ZFYVE27: variants seen among roughly 807,000 people sequenced by gnomAD.
ZFYVE27 encodes the protein zinc finger FYVE-type containing 27.
In ZFYVE27, 36 loss-of-function variants were observed where a neutral mutation model predicts 52.8. The ratio of observed to expected loss-of-function variants is 0.68; its 90% CI spans 0.52 to 0.90. The LOEUF is 0.90. Among genes scored for constraint, ZFYVE27 ranks in the 40% least tolerant of loss-of-function variants. The pLI, the probability that ZFYVE27 is intolerant of heterozygous loss-of-function variation, is 0.00. For synonymous variants in ZFYVE27, 223 were observed against 215.6 expected, an observed-to-expected ratio of 1.03 and a Z score of -0.30; for missense variants, 450 against 527.2, an observed-to-expected ratio of 0.85 and a Z score of 1.43.
At chr10:97,742,546 GT>G (rs1228223223) in intron 2 of ZFYVE27, among the ~76,000 whole-genome samples, 1 of 152,002 alleles carries the variant, frequency 6.6e-6, no homozygotes, top group African/African-American at 2.4e-5. Context: ...CTTTACTATT[GT>G]TTCTCTTTTT....
chr10:97,738,358 C>A (rs1731774217), intron 1 of ZFYVE27, 119 bp from the exon 2 acceptor site: 2 of 1,086,844 alleles, frequency 1.8e-6, no homozygotes, highest in African/African-American at 1.5e-5. Flanking sequence ...GATTTTAGGT[C>A]TGAATAGTTC....
intron 2 of ZFYVE27, 42 bp from the exon 3 acceptor site, chr10:97,743,052 A>G: frequency 6.2e-7 from 1 of 1,606,914 alleles, no homozygotes; most frequent in East Asian, 2.2e-5. Flanking sequence ...CCCCAGCTGG[A>G]GGAGTGACTC....
intron 10 of ZFYVE27, 131 bp from the exon 11 acceptor site, chr10:97,757,134 T>C (rs879213595): frequency 1.5e-6 from 2 of 1,294,738 alleles, no homozygotes; most frequent in Non-Finnish European, 2.2e-6. Flanking sequence ...CTGGCCTTGC[T>C]CCCTGGCTCA....
At chr10:97,747,227 A>G (rs1316004048) in intron 4 of ZFYVE27, among the ~76,000 whole-genome samples, 1 of 152,206 alleles carries the variant, frequency 6.6e-6, no homozygotes, top group African/African-American at 2.4e-5. Context: ...GTGATGTGTC[A>G]TGTTCAGTAC....
rs754656809 is a variant in ZFYVE27 at position 97,748,269 on chromosome 10, C to T, written c.456C>T (p.Phe152=). 21 of 1,613,980 alleles carry T rather than the reference C, an allele frequency of 1.3e-5. No individual in the cohort carries two copies. The East Asian group carries it at 4.7e-4, about 36-fold the overall frequency. ...RPEAVAEVKS[F]LIQLEAFLSR... ...CTCACCAAAGCCCCTGTGTCTGTAG[C>T]TTGATCCAGCTGGAGGCCTTCCTGA... is the stretch of plus-strand genomic sequence containing the variant. The change falls in exon 5 of 13, where the codon TTC becomes TTT. Residue 152 remains phenylalanine (F), a splice_region_variant and synonymous_variant. Transcript: ENST00000684270.
rs199860466 is a variant in ZFYVE27 at position 97,743,090 on chromosome 10, G to A, written c.198-4G>A. Reference sequence around the variant, plus strand: ...TGTAGTGATCAGGACTCTCTGTATTGTAGGTGGCAGATGCCTTTGTGTTCC... The same window carrying A: ...TGTAGTGATCAGGACTCTCTGTATTATAGGTGGCAGATGCCTTTGTGTTCC... On this transcript the variant is annotated splice_region_variant and splice_polypyrimidine_tract_variant and intron_variant, in intron 2 of 12. Coordinates refer to ENST00000684270, the MANE Select transcript of ZFYVE27 (RefSeq NM_001385875.1). 1.7e-5 allele frequency: 28 copies of A among 1,614,188 alleles called. 1 individual carries two copies. In the East Asian group the frequency reaches 6.0e-4, roughly 35 times the overall value.
intron 4 of ZFYVE27, among the ~76,000 whole-genome samples, chr10:97,747,507 A>C (rs570003713): frequency 6.6e-6 from 1 of 152,326 alleles, no homozygotes; most frequent in South Asian, 2.1e-4. Flanking sequence ...CTGGCTTTCT[A>C]CTATAAGGAA....
chr10:97,747,580 C>G (rs1338072342), intron 4 of ZFYVE27, among the ~76,000 whole-genome samples: 2 of 152,156 alleles, frequency 1.3e-5, no homozygotes, highest in African/African-American at 4.8e-5. Flanking sequence ...GAGTTAGAAT[C>G]TATTACTATC....
intron 2 of ZFYVE27, 135 bp from the exon 3 acceptor site, chr10:97,742,959 C>T: frequency 4.4e-6 from 4 of 915,212 alleles, no homozygotes; most frequent in Non-Finnish European, 7.2e-6. Context: ...GTGAGAGGCC[C>T]CCTTTTCGTT....
intron 4 of ZFYVE27, among the ~76,000 whole-genome samples, chr10:97,746,051 A>ACACATATATATATATATATATTT (rs2045311825): frequency 1.6e-5 from 1 of 64,170 alleles, no homozygotes; most frequent in Non-Finnish European, 3.7e-5. Flanking sequence ...ATATATATAT[A>ACACATATATATATATATATATTT]TTTTTTTTTT....
chr10:97,737,565 C>T (rs2042424585), intron 1 of ZFYVE27, among the ~76,000 whole-genome samples: 3 of 152,052 alleles, frequency 2.0e-5, no homozygotes, highest in African/African-American at 4.8e-5. Context: ...GCCCTTTCGC[C>T]TTGGCTCGGC....
At chr10:97,739,846 T>G (rs1390208159) in intron 2 of ZFYVE27, among the ~76,000 whole-genome samples, 2 of 151,980 alleles carry the variant, frequency 1.3e-5, no homozygotes, top group East Asian at 3.9e-4. Context: ...AGACTAGAAG[T>G]TAGATTTAAA....
chr10:97,738,366 T>G (rs17108375), intron 1 of ZFYVE27, 111 bp from the exon 2 acceptor site: 153,765 of 1,194,136 alleles, frequency 0.13, 10,498 homozygotes, highest in East Asian at 0.17. Flanking sequence ...GTCTGAATAG[T>G]TCACTTTCCC....
At chr10:97,757,196 G>A in intron 10 of ZFYVE27, 69 bp from the exon 11 acceptor site, 2 of 1,607,542 alleles carry the variant, frequency 1.2e-6, no homozygotes, top group Non-Finnish European at 1.7e-6. Context: ...CCATTTAGAA[G>A]CGCCAGGAGC....
chr10:97,742,792 C>T (rs1386086867), intron 2 of ZFYVE27, among the ~76,000 whole-genome samples: 3 of 152,094 alleles, frequency 2.0e-5, no homozygotes, highest in Admixed American at 2.0e-4. Context: ...AGAATACAAC[C>T]TTACAAAACA....
chr10:97,753,045 A>T lies in ZFYVE27; in HGVS notation c.905A>T (p.Asp302Val), dbSNP rs764282731. ...AAGGAGCTGTTCCCACAGGAGGATG[A>T]TGAGGGCGCCCCGTGCCCAGCAGAG... ...EETHLVVLED[D>V]EGAPCPAEDE... is the part of the protein sequence containing the mutation. The change falls in exon 10 of 13, where the codon GAT (aspartate) becomes GTT (valine). Residue 302 changes from aspartate to valine, a missense_variant. Coordinates refer to ENST00000684270, the MANE Select transcript of ZFYVE27 (RefSeq NM_001385875.1). The T allele has an allele frequency of 6.2e-7, 1 of 1,612,484 alleles. No homozygotes were observed. The highest frequency in any genetic ancestry group is 2.2e-5 in the East Asian group (1 of 44,812).
chr10:97,747,537 A>G (rs991721734), intron 4 of ZFYVE27, among the ~76,000 whole-genome samples: 8 of 152,214 alleles, frequency 5.3e-5, no homozygotes, highest in Admixed American at 5.2e-4. Context: ...TACTATTATC[A>G]GTATGAACTC....
intron 7 of ZFYVE27, 87 bp from the exon 8 acceptor site, chr10:97,751,304 C>T (rs913924468): frequency 6.8e-7 from 1 of 1,473,142 alleles, no homozygotes; most frequent in Non-Finnish European, 9.5e-7. Context: ...TTTGGGTAGC[C>T]TGGATGCTGG....
Position 97,759,258 on chromosome 10 carries a change from T to C in ZFYVE27, c.1194T>C (p.Thr398=). The C allele has an allele frequency of 1.2e-6, 2 of 1,614,094 alleles. No individual in the cohort carries two copies. Among genetic ancestry groups the C allele is most frequent in the South Asian group, 2.2e-5 (2 of 91,088 alleles). Residue 398 remains threonine (T), a synonymous_variant, in exon 13 of 13, where the codon ACT becomes ACC. Coordinates refer to ENST00000684270, the MANE Select transcript of ZFYVE27 (RefSeq NM_001385875.1). The part of the protein sequence containing the change: ...GATAPEAQRE[T]VFVCASCNQT... ...CAGCCCCTGAAGCCCAGAGGGAGAC[T>C]GTGTTTGTGTGTGCCTCGTGTAACC...
Sources: allele counts gnomAD v4.1 joint callset (sites outside exome capture counted in the v4.1 genomes callset), GRCh38; gene constraint gnomAD v4.1.1; transcripts MANE v1.5; gene names NCBI Gene and HGNC (gene_info 2026-07-23, HGNC 2026-07-21).